FLRT1: variants seen among roughly 807,000 people sequenced by gnomAD.
FLRT1 encodes the protein leucine-rich repeat transmembrane protein FLRT1.
A neutral mutation model predicts 30.9 loss-of-function variants in FLRT1; 14 were observed. The observed-to-expected ratio is 0.45, with a 90% CI of 0.30 to 0.71. FLRT1 has a LOEUF of 0.71. Among genes scored for constraint, FLRT1 ranks in the 30% least tolerant of loss-of-function variants. The probability of loss-of-function intolerance (pLI) is 0.08; values close to 1 mark genes in which losing one functional copy is unlikely to be tolerated. For missense variants in FLRT1, 737 were observed against 949.2 expected (o/e 0.78, Z 2.94); for synonymous variants, 368 against 430.4 (o/e 0.85, Z 1.80).
At chr11:64,048,852 G>T (rs1943636014) in intron 1 of FLRT1, among the ~76,000 whole-genome samples, 2 of 152,178 alleles carry the variant, frequency 1.3e-5, no homozygotes, top group Non-Finnish European at 2.9e-5. Flanking sequence ...CAGGCACCAG[G>T]GCCATCCCAT....
chr11:64,087,924 CTGGAT>C (rs1944422754), intron 1 of FLRT1, among the ~76,000 whole-genome samples: 1 of 152,160 alleles, frequency 6.6e-6, no homozygotes, highest in Non-Finnish European at 1.5e-5. Flanking sequence ...GTGGAGAGGC[CTGGAT>C]TGTGTCAGGA....
intron 1 of FLRT1, among the ~76,000 whole-genome samples, chr11:64,079,022 C>T (rs1331273016): frequency 6.7e-6 from 1 of 149,386 alleles, no homozygotes; most frequent in Non-Finnish European, 1.5e-5. Context: ...GGTGATGGGA[C>T]TGGGTTCCCA....
At chr11:64,066,175 T>C (rs1346753925) in intron 1 of FLRT1, among the ~76,000 whole-genome samples, 1 of 150,606 alleles carries the variant, frequency 6.6e-6, no homozygotes, top group Non-Finnish European at 1.5e-5. Flanking sequence ...TGGGCACCTG[T>C]AATCCCAGCT....
At chr11:64,068,226 C>G (rs1414707817) in intron 1 of FLRT1, among the ~76,000 whole-genome samples, 1 of 152,226 alleles carries the variant, frequency 6.6e-6, no homozygotes, top group Non-Finnish European at 1.5e-5. Context: ...TGTGGCACCT[C>G]CACGCGGTGT....
At chr11:64,063,538 C>T (rs1415536156) in intron 1 of FLRT1, among the ~76,000 whole-genome samples, 2 of 152,186 alleles carry the variant, frequency 1.3e-5, no homozygotes, top group Non-Finnish European at 1.5e-5. Context: ...CAAAAGTCTC[C>T]GTTACTGCCC....
intron 1 of FLRT1, among the ~76,000 whole-genome samples, chr11:64,099,487 C>T (rs2845889): frequency 0.26 from 39,579 of 151,780 alleles, 5,690 homozygotes; most frequent in Admixed American, 0.35. Flanking sequence ...AATGGAGAGA[C>T]GGATGGATGA....
intron 1 of FLRT1, among the ~76,000 whole-genome samples, chr11:64,100,040 G>C (rs1276898849): frequency 6.6e-6 from 1 of 152,152 alleles, no homozygotes; most frequent in Non-Finnish European, 1.5e-5. Context: ...AAACTGGCCT[G>C]GAGTTTGAGG....
At chr11:64,058,528 C>A (rs989800193) in intron 1 of FLRT1, among the ~76,000 whole-genome samples, 1 of 152,258 alleles carries the variant, frequency 6.6e-6, no homozygotes, top group Non-Finnish European at 1.5e-5. Flanking sequence ...GAAGGGGCAG[C>A]AGATGCCCAG....
rs1255987949 is a variant in FLRT1 at position 64,067,323 on chromosome 11, C to T, written c.-1038+31164C>T. ...CCTCCTCCCCACTGCTCAGCCTCTC[C>T]CGGAGGATGGTGAGGGGGGAATCCA... On this transcript the variant is annotated intron_variant, in intron 1 of 2. Transcript: ENST00000682287. The surrounding 1 kb of genome is among the most constrained non-coding windows in gnomAD (Gnocchi z 4.6). 1.3e-5 allele frequency among the ~76,000 whole-genome samples: 2 copies of T among 152,126 alleles called. No individual in the cohort carries two copies. Among genetic ancestry groups the T allele is most frequent in the Non-Finnish European group, 2.9e-5 (2 of 68,014 alleles).
intron 1 of FLRT1, among the ~76,000 whole-genome samples, chr11:64,041,473 C>G (rs1943486255): frequency 6.6e-6 from 1 of 151,614 alleles, no homozygotes; most frequent in Non-Finnish European, 1.5e-5. Context: ...GAGGAGAGCT[C>G]AGGGGAGTGA....
chr11:64,059,157 C>T (rs934626261), intron 1 of FLRT1, among the ~76,000 whole-genome samples: 5 of 152,132 alleles, frequency 3.3e-5, no homozygotes, highest in Admixed American at 1.3e-4. Flanking sequence ...TCTGTGTTTC[C>T]CCCAGAGGAC....
At chr11:64,074,529 C>T (rs541508748) in intron 1 of FLRT1, among the ~76,000 whole-genome samples, 45 of 152,336 alleles carry the variant, frequency 3.0e-4, no homozygotes, top group African/African-American at 9.6e-4. Context: ...CCTAAGGTCA[C>T]GCAGCAAATA....
chr11:64,092,504 T>G (rs746001788), intron 1 of FLRT1, among the ~76,000 whole-genome samples: 34 of 152,186 alleles, frequency 2.2e-4, no homozygotes, highest in Non-Finnish European at 3.8e-4. Flanking sequence ...TGACACAGCA[T>G]CCACGATGGG....
At position 64,117,892 on chromosome 11, in the gene FLRT1, A is replaced by G; in HGVS notation, c.1625A>G (p.Glu542Gly). The G allele has an allele frequency of 6.2e-7, 1 of 1,613,994 alleles. No individual in the cohort carries two copies. Among genetic ancestry groups the G allele is most frequent in the South Asian group, 1.1e-5 (1 of 91,086 alleles). The stretch of plus-strand genomic sequence containing the variant: ...GGCCCTACCACCACACTCAACCAGG[A>G]GCAGAACGCTGGCCCCATGGCGAGC... ...SYGPTTTLNQEQNAGPMASLP... is the reference protein window; with the variant it reads ...SYGPTTTLNQGQNAGPMASLP... The change falls in exon 3 of 3, where the codon GAG becomes GGG. Residue 542 changes from glutamate to glycine, a missense_variant. By Grantham distance (98) the Glu-to-Gly change is moderately conservative. Coordinates refer to ENST00000682287, the MANE Select transcript of FLRT1 (RefSeq NM_013280.5).
rs186050266 is a variant in FLRT1 at position 64,074,837 on chromosome 11, C to T, written c.-1037-28357C>T. 1.6e-4 allele frequency among the ~76,000 whole-genome samples: 24 copies of T among 152,322 alleles called. 1 individual carries two copies. The highest frequency in any genetic ancestry group is 1.5e-3 in the Admixed American group (23 of 15,300). On this transcript the variant is annotated intron_variant, in intron 1 of 2. Transcript: ENST00000682287. The stretch of plus-strand genomic sequence containing the variant: ...GGCTTGGGGTGGGGAAGCCTGTGGC[C>T]TGCCTGGTGAGCTCTGACCTCACTC...
chr11:64,060,953 G>A (rs1943890272), intron 1 of FLRT1, among the ~76,000 whole-genome samples: 1 of 151,872 alleles, frequency 6.6e-6, no homozygotes, highest in Non-Finnish European at 1.5e-5. Flanking sequence ...GGCGGCGGCG[G>A]CGGGGCTCCC....
chr11:64,067,948 A>G lies in FLRT1; in HGVS notation c.-1038+31789A>G, dbSNP rs1419712586. Among the ~76,000 whole-genome samples the G allele has an allele frequency of 6.6e-6, 1 of 151,722 alleles. No individual in the cohort carries two copies. Among genetic ancestry groups the G allele is most frequent in the Admixed American group, 6.6e-5 (1 of 15,248 alleles). On this transcript the variant is annotated intron_variant, in intron 1 of 2. Transcript: ENST00000682287. The surrounding 1 kb of genome is among the most constrained non-coding windows in gnomAD (Gnocchi z 4.6). Reference sequence around the variant, plus strand: ...GGTGAACCCATCCCCGTTACAATGCACTCAGGGACCCTGACAACTAATTTA... The same window carrying G: ...GGTGAACCCATCCCCGTTACAATGCGCTCAGGGACCCTGACAACTAATTTA...
intron 1 of FLRT1, among the ~76,000 whole-genome samples, chr11:64,042,577 G>T (rs1343897051): frequency 6.6e-6 from 1 of 152,118 alleles, no homozygotes; most frequent in Non-Finnish European, 1.5e-5. Flanking sequence ...CTAGCCAATG[G>T]GGGGCTGGCC....
chr11:64,060,815 CCCCGGGTCG>C (rs1203448465), intron 1 of FLRT1, among the ~76,000 whole-genome samples: 4 of 152,212 alleles, frequency 2.6e-5, no homozygotes, highest in African/African-American at 9.7e-5. Flanking sequence ...GTCCTGCAGC[CCCCGGGTCG>C]CCCGGGTCCC....
Sources: gnomAD v4.1 joint callset for allele counts (sites outside exome capture counted in the v4.1 genomes callset) on GRCh38, gnomAD v4.1.1 for gene constraint, Gnocchi (gnomAD v3.1) non-coding constraint, MANE v1.5 for transcripts, NCBI Gene and HGNC (gene_info 2026-07-23, HGNC 2026-07-21) for gene names.